MOB1B: variants seen among roughly 807,000 people sequenced by gnomAD.
The protein encoded by MOB1B is MOB1 Mps One Binder homolog B.
MOB1B carries 19 observed loss-of-function variants against 24.4 expected under a neutral mutation model. The observed-to-expected ratio is 0.78, with a 90% CI of 0.54 to 1.14. MOB1B has a LOEUF of 1.14. MOB1B is among the 50% of genes most tolerant of loss of function. The pLI, the probability that MOB1B is intolerant of heterozygous loss-of-function variation, is 0.00. For missense variants in MOB1B, 243 were observed against 259.6 expected (o/e 0.94, Z 0.44); for synonymous variants, 76 against 82.1 (o/e 0.93, Z 0.40).
intron 1 of MOB1B, among the ~76,000 whole-genome samples, chr4:70,909,022 G>C (rs1735872993): frequency 6.7e-6 from 1 of 150,088 alleles, no homozygotes; most frequent in South Asian, 2.1e-4. Context: ...TTGCACTCTA[G>C]TCTGGGCGAC....
At chr4:70,919,503 TTTG>T (rs902185314) in intron 1 of MOB1B, among the ~76,000 whole-genome samples, 1 of 152,112 alleles carries the variant, frequency 6.6e-6, no homozygotes, top group African/African-American at 2.4e-5. Flanking sequence ...TGTTTCTTTT[TTTG>T]TTGTTGTTTT....
rs561694512 is a variant in MOB1B at position 70,966,428 on chromosome 4, G to A, written c.182-3503G>A. 2.6e-4 allele frequency among the ~76,000 whole-genome samples: 39 copies of A among 151,042 alleles called. No homozygotes were observed. In the South Asian group the frequency reaches 7.7e-3, roughly 30 times the overall value. On this transcript the variant is annotated intron_variant, in intron 2 of 5. Transcript: ENST00000309395. ...TTGCTCTTGTTGCCCAGGCTGGAGT[G>A]CAATGGCATGATCTCAGCTCACCAC...
chr4:70,955,082 G>A (rs1195271795), intron 1 of MOB1B, among the ~76,000 whole-genome samples: 3 of 152,134 alleles, frequency 2.0e-5, no homozygotes, highest in Admixed American at 6.5e-5. Flanking sequence ...CACTGTGCCC[G>A]GCCTAGATTT....
intron 1 of MOB1B, among the ~76,000 whole-genome samples, chr4:70,945,979 A>G (rs567652307): frequency 6.6e-6 from 1 of 151,816 alleles, no homozygotes; most frequent in South Asian, 2.1e-4. Context: ...TCTGTATTAT[A>G]AGAGTTTAAT....
chr4:70,905,435 G>T (rs1452123877), intron 1 of MOB1B, among the ~76,000 whole-genome samples: 1 of 151,398 alleles, frequency 6.6e-6, no homozygotes, highest in Non-Finnish European at 1.5e-5. Context: ...TTTCGGTAGA[G>T]TCAGGGTTTT....
At chr4:70,953,209 G>T (rs1288537820) in intron 1 of MOB1B, among the ~76,000 whole-genome samples, 1 of 152,018 alleles carries the variant, frequency 6.6e-6, no homozygotes, top group Non-Finnish European at 1.5e-5. Context: ...AAAGTGCTGG[G>T]ATTACAGGCA....
chr4:70,927,202 T>C (rs1736691901), intron 1 of MOB1B, among the ~76,000 whole-genome samples: 1 of 151,920 alleles, frequency 6.6e-6, no homozygotes, highest in South Asian at 2.1e-4. Context: ...ATGTGTGAAA[T>C]AATTGCAGTC....
intron 2 of MOB1B, among the ~76,000 whole-genome samples, chr4:70,967,157 G>A (rs13140837): frequency 0.099 from 14,679 of 147,864 alleles, 1,041 homozygotes; most frequent in Non-Finnish European, 0.16. Flanking sequence ...TTTTTGAGAC[G>A]GAGTCTCGCT....
chr4:70,979,969 G>A (rs1739138668), intron 5 of MOB1B, among the ~76,000 whole-genome samples: 1 of 152,160 alleles, frequency 6.6e-6, no homozygotes, highest in South Asian at 2.1e-4. Flanking sequence ...GGAAATAAAA[G>A]AGCTGACCAG....
chr4:70,971,785 C>T (rs1373818038), intron 3 of MOB1B, among the ~76,000 whole-genome samples: 1 of 152,108 alleles, frequency 6.6e-6, no homozygotes, highest in Non-Finnish European at 1.5e-5. Flanking sequence ...CTAAGAAAGC[C>T]AGTTCTTCTG....
At chr4:70,908,823 G>A (rs1054615074) in intron 1 of MOB1B, among the ~76,000 whole-genome samples, 18 of 150,900 alleles carry the variant, frequency 1.2e-4, no homozygotes, top group African/African-American at 4.1e-4. Context: ...AGGCTGAGGC[G>A]GGTGGATCAT....
chr4:70,965,836 ATGT>A (rs1462756424), intron 2 of MOB1B, among the ~76,000 whole-genome samples: 1 of 150,608 alleles, frequency 6.6e-6, no homozygotes, highest in African/African-American at 2.4e-5. Context: ...TTGTAAGAGA[ATGT>A]TGTGAAGAAG....
chr4:70,922,891 T>A (rs1428340604), intron 1 of MOB1B, among the ~76,000 whole-genome samples: 1 of 152,170 alleles, frequency 6.6e-6, no homozygotes, highest in Admixed American at 6.5e-5. Flanking sequence ...ATCCAATTGC[T>A]TGGAACCTTA....
chr4:70,955,464 C>CTTTTT (rs36054184), intron 1 of MOB1B, among the ~76,000 whole-genome samples: 2 of 89,326 alleles, frequency 2.2e-5, no homozygotes, highest in African/African-American at 9.2e-5. Flanking sequence ...AGTATGTGTC[C>CTTTTT]TTTTTTTTTT....
chr4:70,949,161 T>C (rs1038819620), intron 1 of MOB1B, among the ~76,000 whole-genome samples: 2 of 152,232 alleles, frequency 1.3e-5, no homozygotes, highest in Admixed American at 6.5e-5. Context: ...TTTAATCTTA[T>C]AAGAATTCCT....
rs1009913946 is a variant in MOB1B at position 70,929,545 on chromosome 4, A to G, written c.14+26995A>G. 2.6e-5 allele frequency among the ~76,000 whole-genome samples: 4 copies of G among 152,108 alleles called. No homozygotes were observed. The South Asian group carries it at 8.3e-4, about 32-fold the overall frequency. On this transcript the variant is annotated intron_variant, in intron 1 of 5. Transcript: ENST00000309395. ...GCTGAGTCTGTAGCACAGTGGCCCA[A>G]CAACTGCTTATTGTGGCCTCCACCT...
chr4:70,976,362 T>C, intron 4 of MOB1B: 3 of 985,084 alleles, frequency 3.0e-6, no homozygotes, highest in Non-Finnish European at 3.6e-6. Flanking sequence ...CAAAAGGGAG[T>C]TTGAATTTAT....
chr4:70,933,142 G>T (rs1359912839), intron 1 of MOB1B, among the ~76,000 whole-genome samples: 1 of 152,100 alleles, frequency 6.6e-6, no homozygotes, highest in East Asian at 1.9e-4. Flanking sequence ...TTCACATGGT[G>T]ACAGGAGAGA....
intron 1 of MOB1B, among the ~76,000 whole-genome samples, chr4:70,903,030 T>C (rs1216960696): frequency 2.0e-5 from 3 of 152,148 alleles, no homozygotes; most frequent in Admixed American, 6.5e-5. Flanking sequence ...CCCTTTTAAC[T>C]TCCTCTCTCG....
Sources: gnomAD v4.1 joint callset for allele counts (sites outside exome capture counted in the v4.1 genomes callset) on GRCh38, gnomAD v4.1.1 for gene constraint, MANE v1.5 for transcripts, NCBI Gene and HGNC (gene_info 2026-07-23, HGNC 2026-07-21) for gene names.